CFAP221: variants seen among roughly 807,000 people sequenced by gnomAD.
CFAP221 encodes cilia and flagella associated protein 221, also known as cilia- and flagella-associated protein 221.
CFAP221 carries 97 observed loss-of-function variants against 113.1 expected under a neutral mutation model. The observed-to-expected ratio is 0.86, with a 90% CI of 0.73 to 1.02. The LOEUF (loss-of-function observed/expected upper bound fraction) is 1.02. Ranked by LOEUF, CFAP221 falls within the 50% of genes least tolerant of loss-of-function variation. The pLI is 0.00. For missense variants in CFAP221, 1,025 were observed against 1,013.4 expected, an observed-to-expected ratio of 1.01 and a Z score of -0.16; for synonymous variants, 331 against 354.4, an observed-to-expected ratio of 0.93 and a Z score of 0.74.
intron 23 of CFAP221, chr2:119,655,898 G>A (rs1688402069): frequency 6.2e-6 from 1 of 161,030 alleles, no homozygotes; most frequent in Non-Finnish European, 1.4e-5. Flanking sequence ...CTTGGTCCAG[G>A]TGCACAACTC....
Position 119,549,176 on chromosome 2 carries a change from A to G in CFAP221, c.231A>G (p.Gln77=). 6.5e-7 allele frequency: 1 copy of G among 1,531,508 alleles called. No homozygotes were observed. Among genetic ancestry groups the G allele is most frequent in the South Asian group, 1.2e-5 (1 of 83,120 alleles). 94.9% of individuals were successfully genotyped at this position (1,531,508 alleles called of 1,614,324 possible). A position where few individuals can be genotyped will look rare whatever the true frequency, so the allele number is the denominator to read the frequency against. The change falls in exon 3 of 24, where the codon CAA becomes CAG. Residue 77 remains glutamine, a synonymous_variant. Coordinates refer to ENST00000413369, the MANE Select transcript of CFAP221 (RefSeq NM_001271049.2). ...FGGYQVEKQH[Q]QILHLVNVSN... ...GCTATCAAGTAGAAAAACAACACCAACAGATTCTGGTAGGTACTTTTTAAA... is the reference window on the plus strand; with the variant it reads ...GCTATCAAGTAGAAAAACAACACCAGCAGATTCTGGTAGGTACTTTTTAAA...
intron 3 of CFAP221, among the ~76,000 whole-genome samples, chr2:119,556,761 AG>A (rs1464706484): frequency 6.6e-6 from 1 of 152,000 alleles, no homozygotes; most frequent in East Asian, 1.9e-4. Flanking sequence ...CATGTTGGCC[AG>A]ACTGGTCTCA....
intron 19 of CFAP221, among the ~76,000 whole-genome samples, chr2:119,636,102 G>A (rs1185746515): frequency 6.6e-6 from 1 of 152,164 alleles, no homozygotes; most frequent in African/African-American, 2.4e-5. Context: ...GTGGCCCAGA[G>A]GTCATGATAT....
intron 6 of CFAP221, among the ~76,000 whole-genome samples, chr2:119,586,245 C>A (rs1317383237): frequency 6.6e-6 from 1 of 152,104 alleles, no homozygotes; most frequent in Non-Finnish European, 1.5e-5. Context: ...AAAGGAAGCA[C>A]TTGACTTCCT....
chr2:119,614,326 A>G (rs779167223), intron 13 of CFAP221, among the ~76,000 whole-genome samples: 25 of 152,330 alleles, frequency 1.6e-4, no homozygotes, highest in Non-Finnish European at 3.5e-4. Flanking sequence ...CACATTTTTG[A>G]GTATTTTTAT....
chr2:119,589,119 A>G (rs764640388), intron 7 of CFAP221, among the ~76,000 whole-genome samples: 1 of 152,172 alleles, frequency 6.6e-6, no homozygotes, highest in Admixed American at 6.5e-5. Flanking sequence ...TGGCATTCCA[A>G]ACTGGTCTCA....
Position 119,630,820 on chromosome 2 carries a change from C to G in CFAP221, c.1893C>G (p.Leu631=), listed in dbSNP as rs778281201. 10 of 1,613,936 alleles carry G rather than the reference C, an allele frequency of 6.2e-6. No homozygotes were observed. The highest frequency in any genetic ancestry group is 5.0e-5 in the Admixed American group (3 of 60,014). Residue 631 remains leucine (L), a synonymous_variant, in exon 19 of 24, where the codon CTC becomes CTG. Transcript: ENST00000413369. The part of the protein sequence containing the change: ...ALPKQDSTTQ[L]SGKTSVLSMK... The stretch of plus-strand genomic sequence containing the variant: ...CGAAACAGGACTCCACAACTCAGCT[C>G]TCTGGCAAAACATCAGTCTTGAGCA...
At chr2:119,593,587 C>G (rs1683743874) in intron 7 of CFAP221, among the ~76,000 whole-genome samples, 1 of 152,172 alleles carries the variant, frequency 6.6e-6, no homozygotes, top group African/African-American at 2.4e-5. Flanking sequence ...CGCCTGTAAT[C>G]CCAGCACTTT....
chr2:119,601,552 C>T, intron 8 of CFAP221, 175 bp downstream of exon 8: 3 of 565,856 alleles, frequency 5.3e-6, no homozygotes, highest in Non-Finnish European at 8.3e-6. Context: ...TATATCTATG[C>T]TAGTAGCAAG....
At position 119,620,859 on chromosome 2, in the gene CFAP221, A is replaced by G. The variant is rs1236866766; in HGVS notation, c.1411-4724A>G. ...TATTCAGGAGACCCATCTCACATGC[A>G]GAGACACACATAGGCTCAAAATAAA... On this transcript the variant is annotated intron_variant, in intron 14 of 23. Transcript: ENST00000413369. 3.3e-5 allele frequency among the ~76,000 whole-genome samples: 5 copies of G among 152,132 alleles called. No homozygotes were observed. The East Asian group carries it at 9.6e-4, about 29-fold the overall frequency.
chr2:119,657,115 A>G (rs888921861), downstream of CFAP221, among the ~76,000 whole-genome samples: 4 of 152,178 alleles, frequency 2.6e-5, no homozygotes, highest in East Asian at 7.7e-4. Context: ...GTTTGTGAAC[A>G]TGACTGCCTT....
At chr2:119,593,084 G>A (rs1683704989) in intron 7 of CFAP221, among the ~76,000 whole-genome samples, 1 of 152,122 alleles carries the variant, frequency 6.6e-6, no homozygotes. Flanking sequence ...TCTTCCTCAG[G>A]AATACCAATT....
At chr2:119,611,858 T>A in intron 13 of CFAP221, 116 bp downstream of exon 13, 1 of 785,434 alleles carries the variant, frequency 1.3e-6, no homozygotes, top group Non-Finnish European at 2.1e-6. Flanking sequence ...TAATACTTTT[T>A]AATTTGCATA....
intron 6 of CFAP221, among the ~76,000 whole-genome samples, chr2:119,571,107 C>T (rs909769685): frequency 1.3e-5 from 2 of 148,356 alleles, no homozygotes; most frequent in African/African-American, 4.9e-5. Flanking sequence ...GGTGTGGTTA[C>T]ACCGTTAAAT....
intron 15 of CFAP221, among the ~76,000 whole-genome samples, chr2:119,626,033 G>T (rs1258419932): frequency 6.6e-6 from 1 of 152,150 alleles, no homozygotes; most frequent in African/African-American, 2.4e-5. Flanking sequence ...TGCTGGTAGG[G>T]CTGCGCTCCC....
Position 119,630,781 on chromosome 2 carries a change from C to T in CFAP221, c.1854C>T (p.Thr618=). The T allele has an allele frequency of 6.2e-7, 1 of 1,610,966 alleles. No homozygotes were observed. Among genetic ancestry groups the T allele is most frequent in the African/African-American group, 1.3e-5 (1 of 74,994 alleles). Residue 618 remains threonine, a synonymous_variant, in exon 19 of 24, where the codon ACC becomes ACT. Transcript: ENST00000413369. ...CTCCTTGTTAGGATGAAGTCACCAC[C>T]ATCACAGCCCTTCCGAAACAGGACT... is the stretch of plus-strand genomic sequence containing the variant. The part of the protein sequence containing the change: ...LKQGAEDEVT[T]ITALPKQDST...
chr2:119,624,132 C>T (rs1344494697), intron 14 of CFAP221, among the ~76,000 whole-genome samples: 1 of 152,112 alleles, frequency 6.6e-6, no homozygotes, highest in Non-Finnish European at 1.5e-5. Flanking sequence ...TGACAAAAGG[C>T]TAATATCCAG....
At chr2:119,638,904 A>T (rs1165658808) in intron 20 of CFAP221, among the ~76,000 whole-genome samples, 1 of 151,926 alleles carries the variant, frequency 6.6e-6, no homozygotes, top group African/African-American at 2.4e-5. Flanking sequence ...CTTCAAGCTC[A>T]ATTAACCCTT....
intron 17 of CFAP221, 82 bp from the exon 18 acceptor site, chr2:119,630,488 C>A: frequency 9.6e-7 from 1 of 1,039,352 alleles, no homozygotes; most frequent in Non-Finnish European, 1.4e-6. Context: ...CACCAGGAAG[C>A]TCGGAAATGC....
Sources: gnomAD v4.1 joint callset for allele counts (sites outside exome capture counted in the v4.1 genomes callset) on GRCh38, gnomAD v4.1.1 for gene constraint, MANE v1.5 for transcripts, NCBI Gene and HGNC (gene_info 2026-07-23, HGNC 2026-07-21) for gene names.